The following KLHL20 variants were observed in gnomAD, a reference collection of about 807,000 sequenced individuals.
KLHL20 encodes kelch-like protein 20.
A neutral mutation model predicts 69.5 loss-of-function variants in KLHL20; 29 were observed. That is an observed-to-expected ratio of 0.42 (90% CI 0.31 to 0.57). The LOEUF (loss-of-function observed/expected upper bound fraction) is 0.57. Ranked by LOEUF, KLHL20 falls within the 20% of genes least tolerant of loss-of-function variation. The pLI is 0.18. For synonymous variants in KLHL20, 253 were observed against 265.2 expected (o/e 0.95, Z 0.45); for missense variants, 419 against 776.0 (o/e 0.54, Z 5.47).
At chr1:173,763,293 T>C (rs1033977051) in intron 7 of KLHL20, among the ~76,000 whole-genome samples, 1 of 152,186 alleles carries the variant, frequency 6.6e-6, no homozygotes, top group Non-Finnish European at 1.5e-5. Context: ...ATCAATATTG[T>C]GAAAATGACC....
chr1:173,777,778 A>C (rs967588863), intron 10 of KLHL20, among the ~76,000 whole-genome samples: 3 of 152,168 alleles, frequency 2.0e-5, no homozygotes, highest in Non-Finnish European at 4.4e-5. Flanking sequence ...GTCATGATGA[A>C]TTATCTTTCT....
At chr1:173,764,378 C>G (rs1430431206) in intron 7 of KLHL20, among the ~76,000 whole-genome samples, 1 of 152,088 alleles carries the variant, frequency 6.6e-6, no homozygotes, top group African/African-American at 2.4e-5. Flanking sequence ...TACTGGGTAT[C>G]TACTCAGAGG....
chr1:173,742,109 T>C (rs1672833303), intron 3 of KLHL20, among the ~76,000 whole-genome samples: 1 of 152,110 alleles, frequency 6.6e-6, no homozygotes, highest in African/African-American at 2.4e-5. Flanking sequence ...GAAATTCAGA[T>C]TCCCCTTAAA....
At chr1:173,731,927 G>A (rs1017049475) in intron 2 of KLHL20, among the ~76,000 whole-genome samples, 3 of 152,176 alleles carry the variant, frequency 2.0e-5, no homozygotes, top group Non-Finnish European at 4.4e-5. Context: ...GCTGGGCACA[G>A]TGGCTCATAC....
chr1:173,761,681 A>G (rs777345158), intron 7 of KLHL20, among the ~76,000 whole-genome samples: 5 of 152,178 alleles, frequency 3.3e-5, no homozygotes, highest in Non-Finnish European at 7.4e-5. Flanking sequence ...AAAATTCTTC[A>G]AACTTAATGA....
intron 2 of KLHL20, among the ~76,000 whole-genome samples, chr1:173,719,994 C>G (rs1671643147): frequency 6.6e-6 from 1 of 152,032 alleles, no homozygotes; most frequent in African/African-American, 2.4e-5. Context: ...TGACTCATAC[C>G]TGTAATCCCA....
chr1:173,751,727 A>G, intron 3 of KLHL20, 37 bp from the exon 4 acceptor site: 1 of 1,602,114 alleles, frequency 6.2e-7, no homozygotes, highest in Non-Finnish European at 8.5e-7. Flanking sequence ...AAATGTGATC[A>G]CAGGATTTTT....
At chr1:173,775,300 T>C (rs1648382678) in intron 9 of KLHL20, among the ~76,000 whole-genome samples, 2 of 152,322 alleles carry the variant, frequency 1.3e-5, no homozygotes, top group South Asian at 4.1e-4. Flanking sequence ...TAGTACTGAA[T>C]GGTGCTTATT....
In KLHL20 at chr1:173,774,406, G is replaced by A. The variant is rs1286402911; in HGVS notation, c.1397G>A (p.Gly466Asp). ...AVLGGFLYAVGGSDGTSPLNT... is the reference protein window; with the variant it reads ...AVLGGFLYAVDGSDGTSPLNT... ...TTAGGAGGGTTCTTATATGCTGTAG[G>A]TGGCTCTGACGGGACATCTCCTCTC... is the stretch of plus-strand genomic sequence containing the variant. Residue 466 changes from glycine (G) to aspartate (D), a missense_variant, in exon 9 of 12, where the codon GGT becomes GAT. Gly to Asp is a moderately conservative substitution (Grantham distance 94, BLOSUM62 -1). Coordinates refer to ENST00000209884, the MANE Select transcript of KLHL20 (RefSeq NM_014458.4). 1.2e-6 allele frequency: 2 copies of A among 1,613,982 alleles called. No homozygotes were observed. Among genetic ancestry groups the A allele is most frequent in the Admixed American group, 3.3e-5 (2 of 59,984 alleles).
At chr1:173,719,322 A>T (rs1044418924) in intron 2 of KLHL20, among the ~76,000 whole-genome samples, 1 of 150,996 alleles carries the variant, frequency 6.6e-6, no homozygotes, top group Non-Finnish European at 1.5e-5. Flanking sequence ...TAAGTATAGA[A>T]TAAGTTCTGG....
At chr1:173,748,170 A>T (rs541744647) in intron 3 of KLHL20, among the ~76,000 whole-genome samples, 16 of 152,258 alleles carry the variant, frequency 1.1e-4, no homozygotes, top group African/African-American at 3.6e-4. Flanking sequence ...TTAATAATTT[A>T]AAAACCTTCT....
chr1:173,740,942 T>C (rs1184865814), intron 3 of KLHL20, among the ~76,000 whole-genome samples: 2 of 152,176 alleles, frequency 1.3e-5, no homozygotes, highest in Admixed American at 1.3e-4. Flanking sequence ...AGGACCCCTG[T>C]GAGATAAAGT....
chr1:173,725,751 TA>T (rs374539085), intron 2 of KLHL20, among the ~76,000 whole-genome samples: 49 of 152,260 alleles, frequency 3.2e-4, no homozygotes, highest in African/African-American at 1.1e-3. Flanking sequence ...AGCCTCTGTT[TA>T]AAAACCAAAA....
chr1:173,778,293 C>T (rs929190404), intron 10 of KLHL20, among the ~76,000 whole-genome samples: 2 of 151,594 alleles, frequency 1.3e-5, no homozygotes, highest in Non-Finnish European at 2.9e-5. Context: ...TGTTCAATTC[C>T]GCTGGGAGAT....
At chr1:173,769,038 A>G (rs541386456) in intron 8 of KLHL20, among the ~76,000 whole-genome samples, 1 of 152,338 alleles carries the variant, frequency 6.6e-6, no homozygotes, top group East Asian at 1.9e-4. Context: ...CCACTGCCAT[A>G]GAGTGTAAGT....
At chr1:173,753,797 A>G (rs1427439179) in intron 5 of KLHL20, among the ~76,000 whole-genome samples, 1 of 152,212 alleles carries the variant, frequency 6.6e-6, no homozygotes, top group African/African-American at 2.4e-5. Flanking sequence ...TAGGTGAAGC[A>G]GTTTCCAGAG....
chr1:173,774,218 C>A, intron 8 of KLHL20, 87 bp from the exon 9 acceptor site: 1 of 1,476,540 alleles, frequency 6.8e-7, no homozygotes, highest in Non-Finnish European at 9.4e-7. Flanking sequence ...TCCGTGTACT[C>A]AGTATATCGT....
In KLHL20 at chr1:173,756,047, C is replaced by T; in HGVS notation, c.967+9C>T. ...GGAAGTACTCTTTGCAGGTTTGGATCTTAATATACTGTTAGTAAATTGAGT... is the reference window on the plus strand; with the variant it reads ...GGAAGTACTCTTTGCAGGTTTGGATTTTAATATACTGTTAGTAAATTGAGT... On this transcript the variant is annotated intron_variant, in intron 6 of 11. Coordinates refer to ENST00000209884, the MANE Select transcript of KLHL20 (RefSeq NM_014458.4). The T allele has an allele frequency of 6.4e-7, 1 of 1,562,086 alleles. No homozygotes were observed. The highest frequency in any genetic ancestry group is 8.8e-7 in the Non-Finnish European group (1 of 1,134,984).
chr1:173,785,122 T>C, intron 11 of KLHL20, 41 bp from the exon 12 acceptor site: 1 of 1,515,812 alleles, frequency 6.6e-7, no homozygotes, highest in Non-Finnish European at 9.1e-7. Flanking sequence ...TTGTAACATA[T>C]TTTCCAGTTA....
Sources: allele counts gnomAD v4.1 joint callset (sites outside exome capture counted in the v4.1 genomes callset), GRCh38; gene constraint gnomAD v4.1.1; transcripts MANE v1.5; gene names NCBI Gene and HGNC (gene_info 2026-07-23, HGNC 2026-07-21).